Variants in DDX43 observed in about 807,000 individuals in gnomAD.
DDX43 encodes the protein probable ATP-dependent RNA helicase DDX43.
Under a neutral mutation model 84.9 loss-of-function variants are expected in DDX43, and 50 were observed. The observed-to-expected ratio is 0.59, with a 90% CI of 0.47 to 0.75. The LOEUF is 0.75. Among genes scored for constraint, DDX43 ranks in the 30% least tolerant of loss-of-function variants. The pLI is 0.00. For synonymous variants in DDX43, 291 were observed against 266.3 expected (o/e 1.09, Z -0.90); for missense variants, 689 against 798.6 (o/e 0.86, Z 1.65).
chr6:73,412,668 T>TGTGTGTGTGC (rs538597626), intron 11 of DDX43, among the ~76,000 whole-genome samples: 1,815 of 108,122 alleles, frequency 0.017, 64 homozygotes, highest in Admixed American at 0.037. Context: ...TGTGTGTGTG[T>TGTGTGTGTGC]GCGCGCGCGC....
rs746124939 is a variant in DDX43 at position 73,407,623 on chromosome 6, A to AT, written c.1037+16dup. 1.9e-5 allele frequency: 29 copies of AT among 1,562,398 alleles called. No individual in the cohort carries two copies. The highest frequency in any genetic ancestry group is 5.4e-5 in the African/African-American group (4 of 73,466). ...ATATAAAGGGCTTCGGAGGTAAGTA[A>AT]TTTTTTTTCCCATTCCTTCACCAGT... On this transcript the variant is annotated intron_variant, in intron 8 of 16. Transcript: ENST00000370336.
At chr6:73,415,729 C>G (rs1769887791) in intron 15 of DDX43, 145 bp downstream of exon 15, 2 of 584,280 alleles carry the variant, frequency 3.4e-6, no homozygotes, top group Non-Finnish European at 5.9e-6. Context: ...TGATAAGAAA[C>G]TATGGGAGCA....
At chr6:73,410,892 A>T (rs944245580) in intron 10 of DDX43, among the ~76,000 whole-genome samples, 1 of 151,902 alleles carries the variant, frequency 6.6e-6, no homozygotes, top group Non-Finnish European at 1.5e-5. Flanking sequence ...ACAACCTTTT[A>T]AAAGATTTTT....
At position 73,413,998 on chromosome 6, in the gene DDX43, C is replaced by T; in HGVS notation, c.1525C>T (p.Leu509Phe). 6.2e-7 allele frequency: 1 copy of T among 1,611,692 alleles called. No individual in the cohort carries two copies. Among genetic ancestry groups the T allele is most frequent in the Non-Finnish European group, 8.5e-7 (1 of 1,177,900 alleles). The change falls in exon 13 of 17, where the codon CTT becomes TTT. Residue 509 changes from leucine to phenylalanine, a missense_variant. By Grantham distance (22) the Leu-to-Phe change is conservative (BLOSUM62 0). This residue lies in a region of DDX43 where 552 missense variants were observed against 692.7 expected (regional missense o/e 0.80). Coordinates refer to ENST00000370336, the MANE Select transcript of DDX43 (RefSeq NM_018665.3). ...GGATCACTTATCAAGTGACCTAATA[C>T]TTGGAAATATATCAGTAGAGTCTCT... ...VADHLSSDLI[L>F]GNISVESLHG...
chr6:73,405,597 A>C, intron 5 of DDX43, 82 bp from the exon 6 acceptor site: 1 of 1,386,428 alleles, frequency 7.2e-7, no homozygotes, highest in Non-Finnish European at 9.9e-7. Context: ...GAATTTCTAG[A>C]TAAGACCAGC....
At position 73,417,015 on chromosome 6, in the gene DDX43, G is replaced by A. The variant is rs182588470; in HGVS notation, c.*26-172G>A. ...GATCGGGCCACTGCACTCCAGCCTG[G>A]ACAACAGGACGCTGTCTCCAGTTTT... On this transcript the variant is annotated intron_variant, in intron 16 of 16. Transcript: ENST00000370336. Among the ~76,000 whole-genome samples, 109 of 152,244 alleles carry A rather than the reference G, an allele frequency of 7.2e-4. 1 individual carries two copies. The East Asian group carries it at 0.014, about 19-fold the overall frequency.
In DDX43 at chr6:73,395,099, A is replaced by G. The variant is rs1476099216; in HGVS notation, c.194A>G (p.His65Arg). ...SRPPEAVAAG[H>R]EELPLCFALK... ...CCCCCGGAGGCCGTGGCCGCTGGTC[A>G]CGAGGAACTGCCGCTGTGTTTTGCT... The change falls in exon 1 of 17, where the codon CAC becomes CGC. Residue 65 changes from histidine (H) to arginine (R), a missense_variant. Transcript: ENST00000370336. 3 of 1,614,152 alleles carry G rather than the reference A, an allele frequency of 1.9e-6. No individual in the cohort carries two copies. Among genetic ancestry groups the G allele is most frequent in the Non-Finnish European group, 2.5e-6 (3 of 1,179,984 alleles).
chr6:73,396,646 A>G (rs1278907716), intron 1 of DDX43, among the ~76,000 whole-genome samples: 1 of 151,990 alleles, frequency 6.6e-6, no homozygotes, highest in Admixed American at 6.6e-5. Context: ...CGTATATCAC[A>G]ATACTAATAA....
At chr6:73,414,128 C>T in intron 13 of DDX43, 49 bp downstream of exon 13, 2 of 1,184,012 alleles carry the variant, frequency 1.7e-6, no homozygotes, top group Non-Finnish European at 2.5e-6. Flanking sequence ...TAGTGCAATA[C>T]CTGGGCTTGG....
intron 10 of DDX43, among the ~76,000 whole-genome samples, chr6:73,411,175 CAAAAAAAAAAA>C (rs34679802): frequency 0.068 from 3,383 of 49,614 alleles, 178 homozygotes; most frequent in African/African-American, 0.2. Context: ...GACTCCATCT[CAAAAAAAAAAA>C]AAAAAAAAAA....
Position 73,413,974 on chromosome 6 carries a change from G to C in DDX43, c.1501G>C (p.Asp501His), listed in dbSNP as rs1769854521. Residue 501 changes from aspartate (D) to histidine (H), a missense_variant, in exon 13 of 17, where the codon GAT (aspartate) becomes CAT (histidine). Physicochemically the swap from Asp to His is moderately conservative, Grantham distance 81. Coordinates refer to ENST00000370336, the MANE Select transcript of DDX43 (RefSeq NM_018665.3). ...TGAGTTTATCTTTTGCTTCAGTGCGGATCACTTATCAAGTGACCTAATACT... is the reference window on the plus strand; with the variant it reads ...TGAGTTTATCTTTTGCTTCAGTGCGCATCACTTATCAAGTGACCTAATACT... ...IVFVSRKAVA[D>H]HLSSDLILGN... 6.2e-7 allele frequency: 1 copy of C among 1,607,224 alleles called. No individual in the cohort carries two copies. The highest frequency in any genetic ancestry group is 8.5e-7 in the Non-Finnish European group (1 of 1,174,104).
At chr6:73,408,534 T>C (rs1206515781) in intron 9 of DDX43, among the ~76,000 whole-genome samples, 1 of 152,168 alleles carries the variant, frequency 6.6e-6, no homozygotes, top group Non-Finnish European at 1.5e-5. Context: ...TCAGTTTCTT[T>C]TAGAATGGCT....
Position 73,404,797 on chromosome 6 carries a change from GT to G in DDX43, c.650+27del, listed in dbSNP as rs560845279. The G allele has an allele frequency of 7.6e-5, 117 of 1,543,824 alleles. 2 individuals carry two copies. In the South Asian group the frequency reaches 1.3e-3, roughly 17 times the overall value. On this transcript the variant is annotated intron_variant, in intron 5 of 16. Coordinates refer to ENST00000370336, the MANE Select transcript of DDX43 (RefSeq NM_018665.3). ...GTGGGTAGTTTCATTACCTAGTTGTGTAAGTATTTGTATAGTTACGTTATTG... is the reference window on the plus strand; with the variant it reads ...GTGGGTAGTTTCATTACCTAGTTGTGAAGTATTTGTATAGTTACGTTATTG...
At position 73,412,652 on chromosome 6, in the gene DDX43, TGTGTGTGTGTGTGTGTGCGCGCGC is replaced by T. The variant is rs1462247372; in HGVS notation, c.1368+362_1368+385del. Among the ~76,000 whole-genome samples, 37 of 83,448 alleles carry T rather than the reference TGTGTGTGTGTGTGTGTGCGCGCGC, an allele frequency of 4.4e-4. 3 individuals carry two copies. The highest frequency in any genetic ancestry group is 2.6e-5 in the Non-Finnish European group (1 of 38,398). The allele number at this position is 83,448 out of a possible 152,430, so 54.7% of individuals were successfully genotyped here. On this transcript the variant is annotated intron_variant, in intron 11 of 16. Coordinates refer to ENST00000370336, the MANE Select transcript of DDX43 (RefSeq NM_018665.3). ...TATATATATATAGTGTGTGTGTGTG[TGTGTGTGTGTGTGTGTGCGCGCGC>T]GCGTGTGTGTGTGTGCGCGTGCGTG...
intron 4 of DDX43, 100 bp from the exon 5 acceptor site, chr6:73,404,590 T>C (rs1329338179): frequency 2.2e-6 from 2 of 910,924 alleles, no homozygotes; most frequent in Admixed American, 2.1e-5. Flanking sequence ...ATGGTATGCA[T>C]GGTAAATAAA....
intron 10 of DDX43, among the ~76,000 whole-genome samples, chr6:73,411,430 G>C (rs1345761839): frequency 6.6e-6 from 1 of 150,566 alleles, no homozygotes; most frequent in Non-Finnish European, 1.5e-5. Flanking sequence ...CCAGATTCAA[G>C]TGATTCTTCT....
Position 73,417,537 on chromosome 6 carries a change from TAATA to T in DDX43, c.*380_*383del, listed in dbSNP as rs990400551. On this transcript the variant is annotated 3_prime_UTR_variant, in exon 17 of 17. Transcript: ENST00000370336. ...GAATCAGCACCTGAAAAAATACTGT[TAATA>T]AATGTTCGTTTCTGTGATAAAAAGA... 1.3e-5 allele frequency: 2 copies of T among 152,188 alleles called. No individual in the cohort carries two copies. The highest frequency in any genetic ancestry group is 2.1e-4 in the South Asian group (1 of 4,832). 9.4% of individuals were successfully genotyped at this position (152,188 alleles called of 1,614,324 possible).
intron 4 of DDX43, among the ~76,000 whole-genome samples, chr6:73,402,838 C>G (rs1405774085): frequency 6.6e-6 from 1 of 152,184 alleles, no homozygotes; most frequent in African/African-American, 2.4e-5. Flanking sequence ...CTTGGCCTCC[C>G]AAAGTGCTGG....
chr6:73,398,796 G>A (rs537794353), intron 2 of DDX43, among the ~76,000 whole-genome samples: 2 of 152,196 alleles, frequency 1.3e-5, no homozygotes, highest in African/African-American at 4.8e-5. Context: ...ATCCACATTG[G>A]TATTTCCTTA....
Sources: allele counts gnomAD v4.1 joint callset (sites outside exome capture counted in the v4.1 genomes callset), GRCh38; gene constraint gnomAD v4.1.1; regional missense constraint gnomAD v4.1.1; transcripts MANE v1.5; gene names NCBI Gene and HGNC (gene_info 2026-07-23, HGNC 2026-07-21).